The following CTCF variants were observed in gnomAD, a reference collection of about 807,000 sequenced individuals.
CTCF encodes CCCTC-binding factor.
Under a neutral mutation model 72.3 loss-of-function variants are expected in CTCF, and 7 were observed. The ratio of observed to expected loss-of-function variants is 0.10; its 90% CI spans 0.06 to 0.18. The LOEUF (loss-of-function observed/expected upper bound fraction) is 0.18. Ranked by LOEUF, CTCF falls within the 10% of genes least tolerant of loss-of-function variation. CTCF has a pLI of 1.00. For synonymous variants in CTCF, 374 were observed against 315.8 expected (o/e 1.18, Z -1.95); for missense variants, 516 against 949.1 (o/e 0.54, Z 6.00).
At chr16:67,601,067 C>A (rs569892038) in intron 2 of CTCF, among the ~76,000 whole-genome samples, 1 of 152,008 alleles carries the variant, frequency 6.6e-6, no homozygotes, top group East Asian at 1.9e-4. Context: ...CTGCTAGTGT[C>A]GGGAGAGGCA....
chr16:67,631,792 G>T (rs1340522205), intron 10 of CTCF, among the ~76,000 whole-genome samples: 1 of 148,204 alleles, frequency 6.7e-6, no homozygotes, highest in Non-Finnish European at 1.5e-5. Flanking sequence ...TCAATTTGCA[G>T]CTGGTCATGG....
intron 2 of CTCF, among the ~76,000 whole-genome samples, chr16:67,583,767 T>C (rs1190024042): frequency 1.3e-5 from 2 of 152,108 alleles, no homozygotes; most frequent in Non-Finnish European, 2.9e-5. Context: ...GATTAATCCT[T>C]GACTTTCGGG....
At chr16:67,582,822 G>A (rs1240060971) in intron 2 of CTCF, among the ~76,000 whole-genome samples, 1 of 151,750 alleles carries the variant, frequency 6.6e-6, no homozygotes, top group Non-Finnish European at 1.5e-5. Flanking sequence ...TTTCTAAGTG[G>A]TAGATATTTG....
At chr16:67,605,958 G>T (rs1480550171) in intron 2 of CTCF, among the ~76,000 whole-genome samples, 2 of 152,172 alleles carry the variant, frequency 1.3e-5, no homozygotes, top group African/African-American at 4.8e-5. Flanking sequence ...GAGCCAGAAG[G>T]GTGGTAAGTG....
Position 67,609,868 on chromosome 16 carries a change from T to C in CTCF, c.-9-956T>C, listed in dbSNP as rs573028715. Among the ~76,000 whole-genome samples, 26 of 152,032 alleles carry C rather than the reference T, an allele frequency of 1.7e-4. No homozygotes were observed. The South Asian group carries it at 5.4e-3, about 32-fold the overall frequency. On this transcript the variant is annotated intron_variant, in intron 2 of 11. Transcript: ENST00000264010. ...CTCGATCTCCTGACCTCCGGTAATC[T>C]GCCCGCCTCAGCCTCCCAAAGTGCT...
intron 1 of CTCF, chr16:67,563,301 G>C (rs1331066865): frequency 6.6e-6 from 1 of 152,302 alleles, no homozygotes; most frequent in Non-Finnish European, 1.5e-5. Context: ...CTACCCTGCC[G>C]GCCTGCGTGC....
chr16:67,611,623 G>GTT lies in CTCF; in HGVS notation c.781+12_781+13dup. ...AAAATTAAAAAGAAAGGTAAAACGA[G>GTT]TTTATCCATAGTGGTTTCATAAAAC... is the stretch of plus-strand genomic sequence containing the variant. On this transcript the variant is annotated intron_variant, in intron 3 of 11. Transcript: ENST00000264010. The GTT allele has an allele frequency of 6.2e-7, 1 of 1,607,064 alleles. No individual in the cohort carries two copies. The highest frequency in any genetic ancestry group is 8.5e-7 in the Non-Finnish European group (1 of 1,177,680).
chr16:67,624,083 G>A (rs866764858), intron 7 of CTCF, among the ~76,000 whole-genome samples: 1 of 98,134 alleles, frequency 1.0e-5, no homozygotes, highest in South Asian at 3.1e-4. Flanking sequence ...GTGTGTGTGT[G>A]TGTGTGTGTG....
At chr16:67,573,409 G>A (rs2051451061) in intron 2 of CTCF, among the ~76,000 whole-genome samples, 1 of 152,066 alleles carries the variant, frequency 6.6e-6, no homozygotes, top group African/African-American at 2.4e-5. Context: ...TCCAGACTGG[G>A]TGACAGAGCA....
intron 1 of CTCF, among the ~76,000 whole-genome samples, chr16:67,570,549 C>A (rs1462203221): frequency 6.6e-6 from 1 of 151,372 alleles, no homozygotes; most frequent in Admixed American, 6.6e-5. Context: ...CCCAGGTTTG[C>A]ACCATTCTCA....
intron 10 of CTCF, among the ~76,000 whole-genome samples, chr16:67,631,172 G>GTTTTTT (rs367618037): frequency 8.2e-6 from 1 of 121,436 alleles, no homozygotes; most frequent in Non-Finnish European, 1.7e-5. Flanking sequence ...TTTGTTTTTT[G>GTTTTTT]TTTTTTTTTT....
chr16:67,588,378 G>T (rs1300341322), intron 2 of CTCF, among the ~76,000 whole-genome samples: 1 of 152,190 alleles, frequency 6.6e-6, no homozygotes, highest in Non-Finnish European at 1.5e-5. Context: ...CTGTAGGGCT[G>T]CTCCAAAGAC....
chr16:67,623,832 A>G (rs1373929558), intron 7 of CTCF, among the ~76,000 whole-genome samples: 1 of 151,934 alleles, frequency 6.6e-6, no homozygotes, highest in Non-Finnish European at 1.5e-5. Context: ...GGCGGATCAC[A>G]AGGTCAGGAG....
chr16:67,631,672 TC>T (rs760094452), intron 10 of CTCF, among the ~76,000 whole-genome samples: 1 of 51,498 alleles, frequency 1.9e-5, no homozygotes, highest in African/African-American at 9.1e-5. Context: ...TGTAACAAGG[TC>T]CCCCCCACCC....
At chr16:67,620,654 C>T (rs755811824) in intron 5 of CTCF, 43 bp from the exon 6 acceptor site, 6 of 1,477,522 alleles carry the variant, frequency 4.1e-6, no homozygotes, top group Non-Finnish European at 5.5e-6. Context: ...TTGTTACAGT[C>T]TGTGTTAACA....
intron 2 of CTCF, among the ~76,000 whole-genome samples, chr16:67,583,288 ACTT>A (rs1220273380): frequency 1.3e-5 from 2 of 152,020 alleles, no homozygotes; most frequent in African/African-American, 4.8e-5. Flanking sequence ...CGCCCAGCCT[ACTT>A]CTTATTTTGA....
intron 10 of CTCF, among the ~76,000 whole-genome samples, chr16:67,632,074 CA>C (rs556248338): frequency 5.1e-3 from 489 of 96,190 alleles, no homozygotes; most frequent in Admixed American, 5.8e-3. Context: ...ACCCTGTCTC[CA>C]AAAAAAAAAA....
At position 67,638,820 on chromosome 16, in the gene CTCF, T is replaced by G. The variant is rs2052467677; in HGVS notation, c.*948T>G. ...CCCTTATAAGCTGGGCCAGAAAATT[T>G]CACTAGGTCAGTAATTTAAACCTTG... On this transcript the variant is annotated 3_prime_UTR_variant, in exon 12 of 12. Transcript: ENST00000264010. The G allele has an allele frequency of 1.4e-5, 3 of 212,738 alleles. No homozygotes were observed. Among genetic ancestry groups the G allele is most frequent in the African/African-American group, 4.5e-5 (2 of 44,166 alleles). The allele number at this position is 212,738 out of a possible 1,614,324, so 13.2% of individuals were successfully genotyped here. A position where few individuals can be genotyped will look rare whatever the true frequency, so the allele number is the denominator to read the frequency against.
At chr16:67,585,339 C>T (rs1038213054) in intron 2 of CTCF, among the ~76,000 whole-genome samples, 2 of 152,156 alleles carry the variant, frequency 1.3e-5, no homozygotes, top group African/African-American at 4.8e-5. Flanking sequence ...CGTGAGCCAC[C>T]GTGCCCGTCT....
Sources: gnomAD v4.1 joint callset for allele counts (sites outside exome capture counted in the v4.1 genomes callset) on GRCh38, gnomAD v4.1.1 for gene constraint, MANE v1.5 for transcripts, NCBI Gene and HGNC (gene_info 2026-07-23, HGNC 2026-07-21) for gene names.